Variants in NEBL observed in about 807,000 individuals in gnomAD.
The protein encoded by NEBL is nebulette.
A neutral mutation model predicts 140.2 loss-of-function variants in NEBL; 122 were observed. That is an observed-to-expected ratio of 0.87 (90% CI 0.75 to 1.01). The LOEUF is 1.01. Ranked by LOEUF, NEBL falls within the 50% of genes least tolerant of loss-of-function variation. The probability of loss-of-function intolerance (pLI) is 0.00; values close to 1 mark genes in which losing one functional copy is unlikely to be tolerated. For synonymous variants in NEBL, 436 were observed against 398.9 expected, an observed-to-expected ratio of 1.09 and a Z score of -1.11; for missense variants, 1,365 against 1,231.3, an observed-to-expected ratio of 1.11 and a Z score of -1.62.
intron 3 of NEBL, among the ~76,000 whole-genome samples, chr10:21,005,392 A>G (rs1290605694): frequency 6.6e-6 from 1 of 152,192 alleles, no homozygotes; most frequent in Non-Finnish European, 1.5e-5. Flanking sequence ...ACTGACTGTG[A>G]AGAAGTAAAA....
intron 4 of NEBL, among the ~76,000 whole-genome samples, chr10:20,949,712 T>C (rs1458501734): frequency 1.3e-5 from 2 of 152,246 alleles, no homozygotes; most frequent in Non-Finnish European, 2.9e-5. Context: ...TTATATAGAA[T>C]ACTGTGGTTT....
intron 5 of NEBL, among the ~76,000 whole-genome samples, chr10:20,877,521 CGAGCTGCAGACATACACAAGT>C (rs1845614433): frequency 6.6e-6 from 1 of 152,176 alleles, no homozygotes; most frequent in African/African-American, 2.4e-5. Flanking sequence ...CCTGTAAAAT[CGAGCTGCAGACATACACAAGT>C]GAGCTGTAAG....
chr10:21,113,786 C>A (rs1374000287), intron 2 of NEBL, among the ~76,000 whole-genome samples: 1 of 151,942 alleles, frequency 6.6e-6, no homozygotes, highest in Non-Finnish European at 1.5e-5. Flanking sequence ...AATGGTCAGA[C>A]ATGGAAATAG....
intron 4 of NEBL, among the ~76,000 whole-genome samples, chr10:20,951,138 T>C (rs555135171): frequency 4.7e-4 from 72 of 152,222 alleles, no homozygotes; most frequent in African/African-American, 1.6e-3. Flanking sequence ...GCTGACTTTG[T>C]TACAATTGAT....
At chr10:20,871,576 T>C (rs1844940382) in intron 5 of NEBL, among the ~76,000 whole-genome samples, 1 of 152,234 alleles carries the variant, frequency 6.6e-6, no homozygotes, top group Admixed American at 6.5e-5. Context: ...AGCTTACATT[T>C]GCTTCACCAC....
chr10:20,882,190 A>G (rs1409291394), intron 4 of NEBL, among the ~76,000 whole-genome samples: 1 of 151,734 alleles, frequency 6.6e-6, no homozygotes, highest in East Asian at 1.9e-4. Flanking sequence ...GAAAGACAGA[A>G]AGAAGGAAAG....
intron 4 of NEBL, among the ~76,000 whole-genome samples, chr10:20,961,372 C>G (rs1269025340): frequency 6.6e-6 from 1 of 152,084 alleles, no homozygotes; most frequent in Non-Finnish European, 1.5e-5. Flanking sequence ...ACAGTCAAAA[C>G]TTAACTTTCA....
At chr10:21,178,991 A>G (rs1841345095), upstream of NEBL, among the ~76,000 whole-genome samples, 1 of 152,228 alleles carries the variant, frequency 6.6e-6, no homozygotes. Flanking sequence ...ATTGCTTTAC[A>G]CAGGAAAAGG....
chr10:21,145,055 T>A (rs1306297312), intron 2 of NEBL, among the ~76,000 whole-genome samples: 2 of 151,228 alleles, frequency 1.3e-5, no homozygotes, highest in Non-Finnish European at 2.9e-5. Context: ...TAAAAGATGC[T>A]CGTGGATAGA....
intron 12 of NEBL, chr10:20,841,450 A>T (rs1173705228): frequency 6.5e-6 from 1 of 153,244 alleles, no homozygotes; most frequent in African/African-American, 2.4e-5. Flanking sequence ...ACTATCCATC[A>T]CAATTACTTT....
intron 9 of NEBL, among the ~76,000 whole-genome samples, chr10:20,854,171 A>G (rs932990455): frequency 5.3e-5 from 8 of 152,252 alleles, no homozygotes; most frequent in African/African-American, 1.9e-4. Flanking sequence ...GGCTACAGAG[A>G]CTTAAGAAGC....
chr10:20,879,554 T>C (rs1245615039), intron 5 of NEBL, among the ~76,000 whole-genome samples: 1 of 152,174 alleles, frequency 6.6e-6, no homozygotes, highest in East Asian at 1.9e-4. Flanking sequence ...TTACTGCAAT[T>C]TAATATCAAA....
intron 2 of NEBL, among the ~76,000 whole-genome samples, chr10:21,110,247 C>T (rs1837932837): frequency 6.6e-6 from 1 of 152,114 alleles, no homozygotes. Context: ...CTTTTTCCTT[C>T]AATCTTTGTT....
rs1564489156 is a variant in NEBL at position 21,038,186 on chromosome 10, ATGCAC to A, written c.165-17990_165-17986del. Among the ~76,000 whole-genome samples, 3 of 152,172 alleles carry A rather than the reference ATGCAC, an allele frequency of 2.0e-5. 1 individual carries two copies. The highest frequency in any genetic ancestry group is 2.0e-4 in the Admixed American group (3 of 15,278). ...AAGTAGCAACTCAAGGTTATAACCC[ATGCAC>A]TCCCTCCATATATTTTTTTTATTTT... On this transcript the variant is annotated intron_variant, in intron 2 of 6. Coordinates refer to the NEBL transcript ENST00000417816.
At chr10:21,030,424 G>A in intron 2 of NEBL, 1 of 636,242 alleles carries the variant, frequency 1.6e-6, no homozygotes, top group Admixed American at 1.9e-5. Flanking sequence ...CACTCAGTAA[G>A]GAGGAAGACT....
Position 21,171,269 on chromosome 10 carries a change from T to C in NEBL, c.164+1114A>G, listed in dbSNP as rs548894343. 3.5e-5 allele frequency among the ~76,000 whole-genome samples: 5 copies of C among 142,714 alleles called. No individual in the cohort carries two copies. In the East Asian group the frequency reaches 1.0e-3, roughly 29 times the overall value. The allele number at this position is 142,714 out of a possible 152,430, so 93.6% of individuals were successfully genotyped here. A position where few individuals can be genotyped will look rare whatever the true frequency, so the allele number is the denominator to read the frequency against. On this transcript the variant is annotated intron_variant, in intron 2 of 6. Transcript: ENST00000417816. Reference sequence around the variant, plus strand: ...AGAATCGCTTGAACCTGGGAGGTGGTGGTTGCAGTGAGCCAAGATCATGCC... The same window carrying C: ...AGAATCGCTTGAACCTGGGAGGTGGCGGTTGCAGTGAGCCAAGATCATGCC...
At chr10:20,977,317 G>A (rs907410030) in intron 3 of NEBL, among the ~76,000 whole-genome samples, 1 of 152,204 alleles carries the variant, frequency 6.6e-6, no homozygotes, top group African/African-American at 2.4e-5. Context: ...CTAGTGGCAG[G>A]TCGTCTTCGT....
chr10:21,084,325 T>C (rs1425357576), intron 2 of NEBL, among the ~76,000 whole-genome samples: 7 of 152,264 alleles, frequency 4.6e-5, no homozygotes, highest in African/African-American at 1.4e-4. Context: ...CCTCCTCAGT[T>C]ACACTGTAAC....
At chr10:20,908,853 T>G (rs1848209729) in intron 4 of NEBL, among the ~76,000 whole-genome samples, 1 of 152,180 alleles carries the variant, frequency 6.6e-6, no homozygotes. Context: ...TTTCAAGGTA[T>G]ACAGTTATGC....
Sources: gnomAD v4.1 joint callset for allele counts (sites outside exome capture counted in the v4.1 genomes callset) on GRCh38, gnomAD v4.1.1 for gene constraint, MANE v1.5 for transcripts, NCBI Gene and HGNC (gene_info 2026-07-23, HGNC 2026-07-21) for gene names.